The following POLR3K variants were observed in gnomAD, a reference collection of about 807,000 sequenced individuals.
POLR3K encodes the protein DNA-directed RNA polymerase III subunit RPC10.
POLR3K carries 11 observed loss-of-function variants against 13.5 expected under a neutral mutation model. The ratio of observed to expected loss-of-function variants is 0.81; its 90% CI spans 0.51 to 1.35. The LOEUF is 1.35. POLR3K is among the 40% of genes most tolerant of loss of function. The pLI is 0.00. For synonymous variants in POLR3K, 56 were observed against 51.5 expected, an observed-to-expected ratio of 1.09 and a Z score of -0.38; for missense variants, 144 against 145.3, an observed-to-expected ratio of 0.99 and a Z score of 0.05.
chr16:53,498 T>C lies in POLR3K; in HGVS notation c.89A>G (p.Tyr30Cys), dbSNP rs1397416430. 1 of 1,612,654 alleles carries C rather than the reference T, an allele frequency of 6.2e-7. No homozygotes were observed. The highest frequency in any genetic ancestry group is 8.5e-7 in the Non-Finnish European group (1 of 1,179,520). The change falls in exon 1 of 3, where the codon TAC (tyrosine) becomes TGC (cysteine). Residue 30 changes from tyrosine to cysteine, a missense_variant. Physicochemically the swap from Tyr to Cys is radical, Grantham distance 194 (BLOSUM62 -2). Coordinates refer to ENST00000293860, the MANE Select transcript of POLR3K (RefSeq NM_016310.5). Reference sequence around the variant, plus strand: ...CACCTTGCGGGTGATGTTGTGCACGTAGGGGCACGTGTTGCAGGCGAAGCG... The same window carrying C: ...CACCTTGCGGGTGATGTTGTGCACGCAGGGGCACGTGTTGCAGGCGAAGCG... The part of the protein sequence containing the change: ...CHRFACNTCP[Y>C]VHNITRKVTN...
rs1298149970 is a variant in POLR3K, at chr16:47,563, A to C, written c.200-6T>G. 3 of 1,611,106 alleles carry C rather than the reference A, an allele frequency of 1.9e-6. No individual in the cohort carries two copies. Among genetic ancestry groups the C allele is most frequent in the Non-Finnish European group, 2.5e-6 (3 of 1,178,176 alleles). On this transcript the variant is annotated splice_polypyrimidine_tract_variant and splice_region_variant and intron_variant, in intron 2 of 2. Transcript: ENST00000293860. ...TTCGCATTTGGGACACGACTCTGGC[A>C]ATGAGAAAAAAGAAGTGACCACATT...
chr16:52,481 A>C (rs1897344194), intron 1 of POLR3K, among the ~76,000 whole-genome samples: 1 of 63,466 alleles, frequency 1.6e-5, no homozygotes, highest in African/African-American at 6.2e-5. Context: ...AAAAAAAAAA[A>C]AAAAAAGGTC....
intron 1 of POLR3K, 193 bp downstream of exon 1, chr16:53,283 A>G (rs954778353): frequency 5.2e-6 from 6 of 1,148,476 alleles, no homozygotes; most frequent in Middle Eastern, 6.1e-4. Flanking sequence ...CAGGAACCCA[A>G]GGCGGTGGGA....
At chr16:50,665 G>T (rs1315796463) in intron 2 of POLR3K, among the ~76,000 whole-genome samples, 2 of 152,030 alleles carry the variant, frequency 1.3e-5, no homozygotes, top group Admixed American at 1.3e-4. Flanking sequence ...TGGGTCTACA[G>T]GCGAGCGCCA....
At chr16:52,909 A>C (rs1203228560) in intron 1 of POLR3K, 1 of 152,784 alleles carries the variant, frequency 6.5e-6, no homozygotes, top group Non-Finnish European at 1.5e-5. Flanking sequence ...GAGGGGCTGA[A>C]ATTTAAAATA....
chr16:52,765 C>CAAAAAAAAAA lies in POLR3K; in HGVS notation c.111+701_111+710dup, dbSNP rs946489081. Reference sequence around the variant, plus strand: ...TGGGCGACAGAGCGGGACTCCGTCTCAAAAAAAAAAAAAAAAAAAAAAAAA... The same window carrying CAAAAAAAAAA: ...TGGGCGACAGAGCGGGACTCCGTCTCAAAAAAAAAAAAAAAAAAAAAAAAAAAAAAAAAAA... On this transcript the variant is annotated intron_variant, in intron 1 of 2. Transcript: ENST00000293860. Among the ~76,000 whole-genome samples, 77 of 33,454 alleles carry CAAAAAAAAAA rather than the reference C, an allele frequency of 2.3e-3. 5 individuals carry two copies. Among genetic ancestry groups the CAAAAAAAAAA allele is most frequent in the Middle Eastern group, 0.016 (1 of 62 alleles). 21.9% of individuals were successfully genotyped at this position (33,454 alleles called of 152,430 possible). A position where few individuals can be genotyped will look rare whatever the true frequency, so the allele number is the denominator to read the frequency against.
chr16:50,818 C>T (rs1399769600), intron 2 of POLR3K, among the ~76,000 whole-genome samples: 3 of 152,210 alleles, frequency 2.0e-5, no homozygotes, highest in African/African-American at 7.2e-5. Flanking sequence ...GCCACGACAC[C>T]CAGCCAAGAA....
At chr16:48,525 T>A (rs1291906836) in intron 2 of POLR3K, among the ~76,000 whole-genome samples, 2 of 152,134 alleles carry the variant, frequency 1.3e-5, no homozygotes, top group African/African-American at 4.8e-5. Context: ...GAATTGAGCA[T>A]TAAGGGCCGG....
At position 53,387 on chromosome 16, in the gene POLR3K, G is replaced by T. The variant is rs1414542781; in HGVS notation, c.111+89C>A. On this transcript the variant is annotated intron_variant, in intron 1 of 2. Coordinates refer to ENST00000293860, the MANE Select transcript of POLR3K (RefSeq NM_016310.5). ...CGAGAAAGAGCGGACAGAGGCAGACGCCGGGGCTGGCGGCGATGGAGCAGC... is the reference window on the plus strand; with the variant it reads ...CGAGAAAGAGCGGACAGAGGCAGACTCCGGGGCTGGCGGCGATGGAGCAGC... 2.0e-6 allele frequency: 3 copies of T among 1,488,596 alleles called. No homozygotes were observed. The South Asian group carries it at 4.0e-5, about 20-fold the overall frequency. 92.2% of individuals were successfully genotyped at this position (1,488,596 alleles called of 1,614,324 possible).
rs756414577 is a variant in POLR3K, at chr16:51,635, C to G, written c.122G>C (p.Arg41Pro). The G allele has an allele frequency of 6.2e-7, 1 of 1,613,780 alleles. No homozygotes were observed. The highest frequency in any genetic ancestry group is 8.5e-7 in the Non-Finnish European group (1 of 1,179,730). Residue 41 changes from arginine (R) to proline (P), a missense_variant, in exon 2 of 3, where the codon CGG (arginine) becomes CCG (proline). Physicochemically the swap from Arg to Pro is moderately radical, Grantham distance 103 (BLOSUM62 -2). Coordinates refer to ENST00000293860, the MANE Select transcript of POLR3K (RefSeq NM_016310.5). ...CACTTCTTTCAGTTTTGGGTACTTCCGATTTGTTACCTAACAAAAACAACA... is the reference window on the plus strand; with the variant it reads ...CACTTCTTTCAGTTTTGGGTACTTCGGATTTGTTACCTAACAAAAACAACA... Reference protein sequence around the residue: ...VHNITRKVTNRKYPKLKEVDD... With the variant: ...VHNITRKVTNPKYPKLKEVDD...
Position 47,476 on chromosome 16 carries a change from A to G in POLR3K, c.281T>C (p.Phe94Ser), listed in dbSNP as rs749071362. Residue 94 changes from phenylalanine to serine, a missense_variant, in exon 3 of 3, where the codon TTC becomes TCC. Transcript: ENST00000293860. ...ACACTGAGCATTGCAGCACTTGTAG[A>G]AGGTGGTCATCGGCTCATCTGCAGA... ...TRSADEPMTT[F>S]YKCCNAQCGH... is the part of the protein sequence containing the mutation. 1.2e-6 allele frequency: 2 copies of G among 1,613,760 alleles called. No individual in the cohort carries two copies. The highest frequency in any genetic ancestry group is 1.7e-6 in the Non-Finnish European group (2 of 1,179,744).
rs544418105 is a variant in POLR3K, at chr16:51,725, A to T, written c.112-80T>A. 5.1e-5 allele frequency: 61 copies of T among 1,207,586 alleles called. No homozygotes were observed. The African/African-American group carries it at 8.0e-4, about 16-fold the overall frequency. 74.8% of individuals were successfully genotyped at this position (1,207,586 alleles called of 1,614,324 possible). A position where few individuals can be genotyped will look rare whatever the true frequency, so the allele number is the denominator to read the frequency against. On this transcript the variant is annotated intron_variant, in intron 1 of 2. Coordinates refer to ENST00000293860, the MANE Select transcript of POLR3K (RefSeq NM_016310.5). Reference sequence around the variant, plus strand: ...GCCAAACCTTAAATTTCAGGATTACATAAGAGTTCACTCGGCTGGGCGTGG... The same window carrying T: ...GCCAAACCTTAAATTTCAGGATTACTTAAGAGTTCACTCGGCTGGGCGTGG...
intron 1 of POLR3K, chr16:52,029 A>T (rs1030405409): frequency 1.1e-5 from 2 of 175,876 alleles, no homozygotes; most frequent in African/African-American, 4.8e-5. Flanking sequence ...CAAAAAAAAA[A>T]AAAAACAAAG....
At chr16:50,789 C>T (rs958634894) in intron 2 of POLR3K, among the ~76,000 whole-genome samples, 3 of 152,172 alleles carry the variant, frequency 2.0e-5, no homozygotes, top group East Asian at 3.9e-4. Context: ...TCCCAAACTG[C>T]TGGGATTTAC....
chr16:53,122 TG>T (rs1897357580), intron 1 of POLR3K: 1 of 245,276 alleles, frequency 4.1e-6, no homozygotes, highest in African/African-American at 2.3e-5. Flanking sequence ...TGTCGGAACC[TG>T]GTAGGCCCTG....
At chr16:50,143 G>C (rs1373978940) in intron 2 of POLR3K, among the ~76,000 whole-genome samples, 1 of 152,062 alleles carries the variant, frequency 6.6e-6, no homozygotes, top group Admixed American at 6.5e-5. Flanking sequence ...ATTTTTAGCA[G>C]AAATGGGGTT....
At chr16:53,053 G>C (rs940097544) in intron 1 of POLR3K, 45 of 173,458 alleles carry the variant, frequency 2.6e-4, no homozygotes, top group African/African-American at 1.0e-3. Context: ...ATGCGGCAAA[G>C]GGCAACAGGA....
At position 47,335 on chromosome 16, in the gene POLR3K, A is replaced by T. The variant is rs1372692335; in HGVS notation, c.*95T>A. The T allele has an allele frequency of 2.7e-6, 4 of 1,469,800 alleles. No homozygotes were observed. Among genetic ancestry groups the T allele is most frequent in the Non-Finnish European group, 3.7e-6 (4 of 1,089,450 alleles). The allele number at this position is 1,469,800 out of a possible 1,614,324, so 91.0% of individuals were successfully genotyped here. ...AGGTTTATCTTTCCACCACACTAGC[A>T]AAGACCCTCAGGACACACAACTCAT... is the stretch of plus-strand genomic sequence containing the variant. On this transcript the variant is annotated 3_prime_UTR_variant, in exon 3 of 3. Coordinates refer to ENST00000293860, the MANE Select transcript of POLR3K (RefSeq NM_016310.5).
rs369469936 is a variant in POLR3K at position 53,598 on chromosome 16, C to G, written c.-12G>C. ...CAGAACAGCAGCATGGTCTCGAACT[C>G]CGCAGGCTCCAACTCCCGGCAGCTC... On this transcript the variant is annotated 5_prime_UTR_variant, in exon 1 of 3. Transcript: ENST00000293860. 1.2e-6 allele frequency: 2 copies of G among 1,602,954 alleles called. No homozygotes were observed. The highest frequency in any genetic ancestry group is 1.7e-6 in the Non-Finnish European group (2 of 1,175,024).
Sources: allele counts gnomAD v4.1 joint callset (sites outside exome capture counted in the v4.1 genomes callset), GRCh38; gene constraint gnomAD v4.1.1; transcripts MANE v1.5; gene names NCBI Gene and HGNC (gene_info 2026-07-23, HGNC 2026-07-21).